PCLAF: variants seen among roughly 807,000 people sequenced by gnomAD.
PCLAF encodes PCNA clamp associated factor, also known as PCNA-associated factor.
PCLAF carries 12 observed loss-of-function variants against 15.1 expected under a neutral mutation model. That is an observed-to-expected ratio of 0.79 (90% CI 0.51 to 1.29). The LOEUF (loss-of-function observed/expected upper bound fraction) is 1.29. Among genes scored for constraint, PCLAF ranks in the 50% most tolerant of loss-of-function variants. The pLI is 0.00. For synonymous variants in PCLAF, 33 were observed against 47.1 expected, an observed-to-expected ratio of 0.70 and a Z score of 1.22; for missense variants, 116 against 130.9, an observed-to-expected ratio of 0.89 and a Z score of 0.56.
chr15:64,384,863 A>C (rs1357120267), upstream of PCLAF, among the ~76,000 whole-genome samples: 1 of 152,146 alleles, frequency 6.6e-6, no homozygotes, highest in African/African-American at 2.4e-5. Context: ...TTGCATTATA[A>C]TTACATCATA....
chr15:64,382,830 A>T (rs1217612381), upstream of PCLAF: 1 of 283,100 alleles, frequency 3.5e-6, no homozygotes, highest in Non-Finnish European at 6.9e-6. Context: ...AAATAAAAAT[A>T]AAAAATAAAA....
At chr15:64,371,618 T>G (rs931714373) in intron 3 of PCLAF, among the ~76,000 whole-genome samples, 3 of 151,968 alleles carry the variant, frequency 2.0e-5, no homozygotes, top group Non-Finnish European at 4.4e-5. Context: ...GATCAATTTT[T>G]TTTGAGACAG....
At chr15:64,371,204 G>A (rs1175879738) in intron 3 of PCLAF, among the ~76,000 whole-genome samples, 2 of 151,336 alleles carry the variant, frequency 1.3e-5, no homozygotes, top group East Asian at 2.0e-4. Flanking sequence ...TCCTGACCTC[G>A]TGATCCGCCC....
At chr15:64,366,109 C>T (rs1381868268) in intron 3 of PCLAF, 34 bp from the exon 4 acceptor site, 1 of 1,546,610 alleles carries the variant, frequency 6.5e-7, no homozygotes, top group Non-Finnish European at 8.8e-7. Context: ...AATAGCCATC[C>T]AAGTATCAAC....
At chr15:64,379,195 G>A (rs1462031667) in intron 2 of PCLAF, among the ~76,000 whole-genome samples, 2 of 151,754 alleles carry the variant, frequency 1.3e-5, no homozygotes, top group African/African-American at 4.8e-5. Flanking sequence ...AATTTCATCA[G>A]GCCAGGCGTG....
At chr15:64,370,236 C>T (rs1179429392) in intron 3 of PCLAF, among the ~76,000 whole-genome samples, 1 of 151,498 alleles carries the variant, frequency 6.6e-6, no homozygotes, top group Non-Finnish European at 1.5e-5. Flanking sequence ...GCCACCATGC[C>T]CACCTAATTT....
intron 3 of PCLAF, among the ~76,000 whole-genome samples, chr15:64,370,321 C>T (rs911566523): frequency 6.6e-6 from 1 of 151,376 alleles, no homozygotes. Context: ...AATCCTCCCC[C>T]TTCAGTCTCC....
At chr15:64,377,488 A>AATAT (rs1166593614) in intron 2 of PCLAF, among the ~76,000 whole-genome samples, 40 of 29,250 alleles carry the variant, frequency 1.4e-3, no homozygotes, top group Admixed American at 3.7e-3. Context: ...AAAAAAAAAA[A>AATAT]ATATATATAT....
In PCLAF at chr15:64,368,259, C is replaced by T. The variant is rs138705987; in HGVS notation, c.291-2184G>A. Among the ~76,000 whole-genome samples the T allele has an allele frequency of 9.9e-5, 15 of 152,088 alleles. 1 individual carries two copies. The South Asian group carries it at 1.9e-3, about 19-fold the overall frequency. On this transcript the variant is annotated intron_variant, in intron 3 of 3. Transcript: ENST00000300035. ...ACTCAGGAGGCTGAGGCAGGAGAAT[C>T]GCTTGAACCCAGGAGGTGGACTCCA...
At chr15:64,371,232 T>C (rs969760212) in intron 3 of PCLAF, among the ~76,000 whole-genome samples, 1 of 151,774 alleles carries the variant, frequency 6.6e-6, no homozygotes, top group African/African-American at 2.4e-5. Flanking sequence ...CCTCCCAAAG[T>C]GCTGGGATTA....
upstream of PCLAF, among the ~76,000 whole-genome samples, chr15:64,386,284 C>T (rs528777187): frequency 5.3e-5 from 8 of 151,278 alleles, no homozygotes; most frequent in African/African-American, 9.7e-5. Context: ...ATGATATCTA[C>T]GACAATCTAA....
intron 3 of PCLAF, among the ~76,000 whole-genome samples, 165 bp from the exon 4 acceptor site, chr15:64,366,240 C>T (rs1049927132): frequency 1.3e-5 from 2 of 152,168 alleles, no homozygotes; most frequent in African/African-American, 4.8e-5. Context: ...CAAACACCTA[C>T]AAATTTCAAG....
chr15:64,381,479 T>G, upstream of PCLAF: 6 of 1,601,244 alleles, frequency 3.7e-6, no homozygotes, highest in Non-Finnish European at 5.1e-6. Context: ...TATTGGTCTC[T>G]TTCCCGCGCG....
chr15:64,373,867 C>A, intron 3 of PCLAF: 2 of 1,132,674 alleles, frequency 1.8e-6, no homozygotes, highest in Admixed American at 2.7e-5. Context: ...TACTTTGTTT[C>A]GAAACAAAAC....
chr15:64,387,148 T>C (rs898280881), intron 1 of PCLAF, among the ~76,000 whole-genome samples: 2 of 151,976 alleles, frequency 1.3e-5, no homozygotes, highest in African/African-American at 4.8e-5. Flanking sequence ...GTGAATCTAG[T>C]AGTCGACTAC....
intron 3 of PCLAF, among the ~76,000 whole-genome samples, chr15:64,369,396 T>A (rs1899187500): frequency 6.8e-6 from 1 of 147,100 alleles, no homozygotes; most frequent in Admixed American, 6.8e-5. Flanking sequence ...AAATCCTGTC[T>A]CTAAAAAAAA....
At chr15:64,387,414 A>T in intron 1 of PCLAF, 1 of 1,125,758 alleles carries the variant, frequency 8.9e-7, no homozygotes, top group Non-Finnish European at 1.1e-6. Flanking sequence ...AATTAATTAA[A>T]AAATTAAAAC....
At chr15:64,377,846 G>C (rs900637028) in intron 2 of PCLAF, among the ~76,000 whole-genome samples, 5 of 143,580 alleles carry the variant, frequency 3.5e-5, no homozygotes, top group Non-Finnish European at 1.5e-5. Flanking sequence ...CTGCCTCCCG[G>C]ATTCAAGTGA....
At chr15:64,382,014 G>C (rs919839708), upstream of PCLAF, among the ~76,000 whole-genome samples, 4 of 152,182 alleles carry the variant, frequency 2.6e-5, no homozygotes, top group East Asian at 3.9e-4. Context: ...CAAAAACTAG[G>C]GGGATTGTAT....
Sources: allele counts gnomAD v4.1 joint callset (sites outside exome capture counted in the v4.1 genomes callset), GRCh38; gene constraint gnomAD v4.1.1; transcripts MANE v1.5; gene names NCBI Gene and HGNC (gene_info 2026-07-23, HGNC 2026-07-21).